Variants in SLC4A8 observed in about 807,000 individuals in gnomAD.
SLC4A8 encodes the protein solute carrier family 4 member 8.
Under a neutral mutation model 125.0 loss-of-function variants are expected in SLC4A8, and 40 were observed. The observed-to-expected ratio is 0.32, with a 90% CI of 0.25 to 0.42. SLC4A8 has a LOEUF of 0.42. Among genes scored for constraint, SLC4A8 ranks in the 10% least tolerant of loss-of-function variants. SLC4A8 has a pLI of 1.00. For synonymous variants in SLC4A8, 456 were observed against 476.0 expected, an observed-to-expected ratio of 0.96 and a Z score of 0.55; for missense variants, 863 against 1,355.1, an observed-to-expected ratio of 0.64 and a Z score of 5.70.
rs555572812 is a variant in SLC4A8 at position 51,480,420 on chromosome 12, T to C, written c.2172+5214T>C. On this transcript the variant is annotated intron_variant, in intron 16 of 24. Coordinates refer to ENST00000453097, the MANE Select transcript of SLC4A8 (RefSeq NM_001039960.3). The stretch of plus-strand genomic sequence containing the variant: ...GGCAATATTATCTGTGAGTGAAAAG[T>C]GGAATAATACGTGGATTGGGTCAAC... 315 of 1,118,390 alleles carry C rather than the reference T, an allele frequency of 2.8e-4. 4 individuals carry two copies. The South Asian group carries it at 5.8e-3, about 21-fold the overall frequency. 69.3% of individuals were successfully genotyped at this position (1,118,390 alleles called of 1,614,324 possible). A position where few individuals can be genotyped will look rare whatever the true frequency, so the allele number is the denominator to read the frequency against.
intron 16 of SLC4A8, chr12:51,480,523 C>A (rs1736803736): frequency 5.0e-6 from 5 of 995,996 alleles, no homozygotes; most frequent in Non-Finnish European, 6.0e-6. Context: ...TGTGGATGTT[C>A]ATGTGAAAGA....
chr12:51,507,382 A>C, intron 24 of SLC4A8, 44 bp from the exon 25 acceptor site: 4 of 1,278,138 alleles, frequency 3.1e-6, no homozygotes, highest in Non-Finnish European at 4.1e-6. Context: ...AGGAGGAATG[A>C]ATCATATGTT....
intron 1 of SLC4A8, among the ~76,000 whole-genome samples, chr12:51,393,879 C>T (rs566720502): frequency 4.6e-5 from 7 of 152,360 alleles, no homozygotes; most frequent in African/African-American, 1.7e-4. Flanking sequence ...TTCCACCTCA[C>T]TGCCCCAGCT....
chr12:51,446,320 C>T (rs983053002), intron 2 of SLC4A8, among the ~76,000 whole-genome samples: 1 of 152,196 alleles, frequency 6.6e-6, no homozygotes, highest in African/African-American at 2.4e-5. Context: ...ATCCTCCTGC[C>T]TCTTAACATT....
At chr12:51,451,162 A>G in intron 3 of SLC4A8, 140 bp downstream of exon 3, 1 of 833,664 alleles carries the variant, frequency 1.2e-6, no homozygotes, top group South Asian at 3.1e-5. Flanking sequence ...CTAAGAAGAA[A>G]TGCCTCTAAG....
chr12:51,486,777 T>C (rs1368782285), intron 17 of SLC4A8, among the ~76,000 whole-genome samples: 1 of 152,244 alleles, frequency 6.6e-6, no homozygotes, highest in Non-Finnish European at 1.5e-5. Context: ...TTTCTCTTTT[T>C]TCTCTCTACC....
At chr12:51,424,054 C>CAAAAAAAAAAAAAAAA (rs1334821004), upstream of SLC4A8, among the ~76,000 whole-genome samples, 2 of 77,442 alleles carry the variant, frequency 2.6e-5, 1 homozygote, top group African/African-American at 9.3e-5. Flanking sequence ...AAAAAAAAAA[C>CAAAAAAAAAAAAAAAA]AAAAAAAACA....
intron 4 of SLC4A8, among the ~76,000 whole-genome samples, chr12:51,452,542 G>A (rs757930762): frequency 6.6e-6 from 1 of 152,166 alleles, no homozygotes; most frequent in Admixed American, 6.5e-5. Flanking sequence ...AAGTTTATGG[G>A]CTATCTTGGT....
chr12:51,432,594 G>T (rs188752911), intron 1 of SLC4A8, among the ~76,000 whole-genome samples: 1 of 151,856 alleles, frequency 6.6e-6, no homozygotes, highest in Non-Finnish European at 1.5e-5. Flanking sequence ...GTGGTGGTGC[G>T]TGCTTGTAGT....
chr12:51,439,215 C>T (rs981681064), intron 1 of SLC4A8, among the ~76,000 whole-genome samples: 1 of 152,108 alleles, frequency 6.6e-6, no homozygotes, highest in Non-Finnish European at 1.5e-5. Context: ...CACCACCACA[C>T]CCAGATAATT....
chr12:51,427,524 G>A (rs956730839), intron 1 of SLC4A8, among the ~76,000 whole-genome samples: 1 of 152,132 alleles, frequency 6.6e-6, no homozygotes, highest in African/African-American at 2.4e-5. Flanking sequence ...ATGAAGGCTG[G>A]AGTCAGGTAA....
intron 22 of SLC4A8, among the ~76,000 whole-genome samples, chr12:51,502,837 A>AT (rs557351749): frequency 0.017 from 1,959 of 118,356 alleles, 60 homozygotes; most frequent in Admixed American, 0.044. Flanking sequence ...CGCCCGACTA[A>AT]TTTTTTTTTT....
intron 1 of SLC4A8, among the ~76,000 whole-genome samples, chr12:51,426,965 G>A (rs1705563876): frequency 7.0e-6 from 1 of 143,596 alleles, no homozygotes; most frequent in Non-Finnish European, 1.5e-5. Flanking sequence ...TTGAGATGGA[G>A]TCTTGCTCTG....
intron 8 of SLC4A8, among the ~76,000 whole-genome samples, chr12:51,460,456 A>G (rs1310002261): frequency 6.6e-6 from 1 of 152,196 alleles, no homozygotes; most frequent in Non-Finnish European, 1.5e-5. Flanking sequence ...ACCACCATGA[A>G]GAGGAATTCT....
chr12:51,475,064 G>A lies in SLC4A8; in HGVS notation c.2030G>A (p.Gly677Glu). The stretch of plus-strand genomic sequence containing the variant: ...CTCCAGGAATGCCAGGAGATGCATG[G>A]AGAGTTCATGGGATCTGCGTGCGGC... Reference protein sequence around the residue: ...LTVSECQEMHGEFMGSACGHH... With the variant: ...LTVSECQEMHEEFMGSACGHH... Residue 677 changes from glycine to glutamate, a missense_variant, in exon 16 of 25, where the codon GGA (glycine) becomes GAA (glutamate). Coordinates refer to ENST00000453097, the MANE Select transcript of SLC4A8 (RefSeq NM_001039960.3). 6.2e-7 allele frequency: 1 copy of A among 1,613,878 alleles called. No individual in the cohort carries two copies. The highest frequency in any genetic ancestry group is 8.5e-7 in the Non-Finnish European group (1 of 1,179,920).
At position 51,448,344 on chromosome 12, in the gene SLC4A8, T is replaced by C. The variant is rs755879270; in HGVS notation, c.131-2532T>C. On this transcript the variant is annotated intron_variant, in intron 2 of 24. Coordinates refer to ENST00000453097, the MANE Select transcript of SLC4A8 (RefSeq NM_001039960.3). ...GTTGAAAATCTAAGGTAACGCTCGG[T>C]TTCAAGCCTAGGAAATTGAGAGAAT... is the stretch of plus-strand genomic sequence containing the variant. Among the ~76,000 whole-genome samples, 8 of 152,156 alleles carry C rather than the reference T, an allele frequency of 5.3e-5. No individual in the cohort carries two copies. The Middle Eastern group carries it at 0.01, about 194-fold the overall frequency.
In SLC4A8 at chr12:51,471,461, A is replaced by G. The variant is rs2138304898; in HGVS notation, c.1833A>G (p.Glu611=). The change falls in exon 14 of 25, where the codon GAA becomes GAG. Residue 611 remains glutamate, a synonymous_variant. Coordinates refer to ENST00000453097, the MANE Select transcript of SLC4A8 (RefSeq NM_001039960.3). ...ICIIFIYEAI[E]KLIHLAETYP... ...TTATTTTCATCTATGAAGCAATAGAAAAACTGATTCACCTGGCAGAGACCT... is the reference window on the plus strand; with the variant it reads ...TTATTTTCATCTATGAAGCAATAGAGAAACTGATTCACCTGGCAGAGACCT... The G allele has an allele frequency of 1.9e-6, 3 of 1,614,204 alleles. No individual in the cohort carries two copies. The highest frequency in any genetic ancestry group is 2.5e-6 in the Non-Finnish European group (3 of 1,180,020).
Position 51,510,990 on chromosome 12 carries a change from T to C in SLC4A8, c.*3552T>C, listed in dbSNP as rs924271441. On this transcript the variant is annotated 3_prime_UTR_variant, in exon 25 of 25. Coordinates refer to ENST00000453097, the MANE Select transcript of SLC4A8 (RefSeq NM_001039960.3). ...ATGGACTGTCACCTGTTGCAGATGA[T>C]GGTGATTCTCTTCTTTTTTTTGTCT... 5.9e-5 allele frequency: 9 copies of C among 152,346 alleles called. No homozygotes were observed. The highest frequency in any genetic ancestry group is 2.2e-4 in the African/African-American group (9 of 41,576). The allele number at this position is 152,346 out of a possible 1,614,324, so 9.4% of individuals were successfully genotyped here.
intron 16 of SLC4A8, among the ~76,000 whole-genome samples, chr12:51,477,775 C>A (rs1950896031): frequency 6.6e-6 from 1 of 152,126 alleles, no homozygotes; most frequent in Admixed American, 6.5e-5. Context: ...TGTATCGCCT[C>A]CTGATTTGAC....
Sources: gnomAD v4.1 joint callset for allele counts (sites outside exome capture counted in the v4.1 genomes callset) on GRCh38, gnomAD v4.1.1 for gene constraint, MANE v1.5 for transcripts, NCBI Gene and HGNC (gene_info 2026-07-23, HGNC 2026-07-21) for gene names.